The following ASCC3 variants were observed in gnomAD, a reference collection of about 807,000 sequenced individuals.
ASCC3 encodes ASC-1 complex subunit P200.
Under a neutral mutation model 256.3 loss-of-function variants are expected in ASCC3, and 158 were observed. That is an observed-to-expected ratio of 0.62 (90% CI 0.54 to 0.70). The LOEUF is 0.70. Among genes scored for constraint, ASCC3 ranks in the 30% least tolerant of loss-of-function variants. The pLI is 0.00. For synonymous variants in ASCC3, 948 were observed against 883.4 expected, an observed-to-expected ratio of 1.07 and a Z score of -1.30; for missense variants, 2,259 against 2,626.0, an observed-to-expected ratio of 0.86 and a Z score of 3.05.
chr6:100,785,116 G>A (rs1008498132), intron 8 of ASCC3, among the ~76,000 whole-genome samples: 5 of 151,972 alleles, frequency 3.3e-5, no homozygotes, highest in African/African-American at 4.8e-5. Context: ...AATGCTTTAC[G>A]ATAAAAATAT....
At chr6:100,872,469 C>CGGGGG (rs757129669) in intron 1 of ASCC3, among the ~76,000 whole-genome samples, 6 of 128,790 alleles carry the variant, frequency 4.7e-5, no homozygotes, top group Non-Finnish European at 6.5e-5. Flanking sequence ...AAAAAAGGGT[C>CGGGGG]GGGGGGGGAT....
At chr6:100,608,438 TTATATATATTTTA>T (rs1257727293) in intron 30 of ASCC3, among the ~76,000 whole-genome samples, 1 of 46,642 alleles carries the variant, frequency 2.1e-5, no homozygotes, top group Admixed American at 4.7e-4. Flanking sequence ...TATATATACT[TTATATATATTTTA>T]TATATATATA....
intron 3 of ASCC3, among the ~76,000 whole-genome samples, chr6:100,852,342 G>C (rs1046258750): frequency 1.3e-5 from 2 of 152,074 alleles, no homozygotes; most frequent in East Asian, 3.9e-4. Context: ...ACATCAGAAG[G>C]GGGAGATGGA....
At chr6:100,835,580 T>C (rs1273071340) in intron 4 of ASCC3, among the ~76,000 whole-genome samples, 1 of 152,168 alleles carries the variant, frequency 6.6e-6, no homozygotes, top group Non-Finnish European at 1.5e-5. Context: ...CAGTTGGCTA[T>C]AAGCCCATGG....
At chr6:100,805,401 G>T (rs941028765) in intron 5 of ASCC3, among the ~76,000 whole-genome samples, 6 of 151,922 alleles carry the variant, frequency 3.9e-5, no homozygotes, top group African/African-American at 1.5e-4. Flanking sequence ...AAAACTACCT[G>T]TCAAGAACTA....
At chr6:100,631,855 A>G (rs1452119992) in intron 25 of ASCC3, among the ~76,000 whole-genome samples, 1 of 151,996 alleles carries the variant, frequency 6.6e-6, no homozygotes, top group Admixed American at 6.6e-5. Context: ...ATGTCTCTAT[A>G]GATCAATAAC....
intron 13 of ASCC3, among the ~76,000 whole-genome samples, chr6:100,700,288 G>C (rs1455754303): frequency 6.6e-6 from 1 of 152,164 alleles, no homozygotes; most frequent in Admixed American, 6.5e-5. Flanking sequence ...TGTTGAGCCT[G>C]TGAGTGCACA....
intron 38 of ASCC3, among the ~76,000 whole-genome samples, chr6:100,516,728 A>G (rs571280200): frequency 6.6e-6 from 1 of 152,298 alleles, no homozygotes; most frequent in Non-Finnish European, 1.5e-5. Context: ...GTTGTTGGGA[A>G]CATAAAGTTA....
At chr6:100,624,753 A>C (rs1383290860) in intron 30 of ASCC3, among the ~76,000 whole-genome samples, 2 of 152,066 alleles carry the variant, frequency 1.3e-5, no homozygotes, top group Non-Finnish European at 2.9e-5. Context: ...ATATAACTGC[A>C]TAGACACAAA....
intron 37 of ASCC3, among the ~76,000 whole-genome samples, chr6:100,534,923 G>A (rs1237937265): frequency 1.3e-5 from 2 of 152,190 alleles, no homozygotes; most frequent in East Asian, 3.8e-4. Flanking sequence ...TAAAAGGTAT[G>A]CTTCTATAAA....
chr6:100,716,293 C>T (rs1254271199), intron 12 of ASCC3, among the ~76,000 whole-genome samples: 1 of 151,530 alleles, frequency 6.6e-6, no homozygotes, highest in East Asian at 1.9e-4. Context: ...TACTATGTAT[C>T]AATTTAAAAA....
intron 4 of ASCC3, 72 bp downstream of exon 4, chr6:100,848,076 C>T (rs1481049277): frequency 2.1e-6 from 3 of 1,403,826 alleles, no homozygotes; most frequent in African/African-American, 1.5e-5. Context: ...TGCTAACCAC[C>T]CATGTTTAAA....
intron 40 of ASCC3, 140 bp downstream of exon 40, chr6:100,512,569 C>CT: frequency 1.1e-6 from 1 of 880,364 alleles, no homozygotes; most frequent in Non-Finnish European, 1.9e-6. Context: ...TTTCAAAAGA[C>CT]TAACTCTCGC....
chr6:100,704,994 A>G (rs1778514759), intron 13 of ASCC3, among the ~76,000 whole-genome samples: 1 of 152,036 alleles, frequency 6.6e-6, no homozygotes, highest in East Asian at 1.9e-4. Flanking sequence ...ACACAGGAGG[A>G]GGGGAATTAT....
At chr6:100,762,286 C>T (rs1781457302) in intron 10 of ASCC3, among the ~76,000 whole-genome samples, 1 of 139,996 alleles carries the variant, frequency 7.1e-6, no homozygotes, top group South Asian at 2.3e-4. Context: ...GAGAACAATT[C>T]AGAACTCAGA....
chr6:100,609,757 A>G (rs544239482), intron 30 of ASCC3, among the ~76,000 whole-genome samples: 1 of 152,172 alleles, frequency 6.6e-6, no homozygotes, highest in East Asian at 1.9e-4. Flanking sequence ...CTAAAAATAC[A>G]AAAATTAGCT....
intron 32 of ASCC3, among the ~76,000 whole-genome samples, chr6:100,606,270 G>A (rs1456529598): frequency 2.6e-5 from 4 of 151,968 alleles, no homozygotes; most frequent in African/African-American, 9.7e-5. Flanking sequence ...TGAACTCACT[G>A]AAAATGCTTT....
Position 100,627,852 on chromosome 6 carries a change from T to A in ASCC3, c.4511A>T (p.Asn1504Ile). The change falls in exon 28 of 42, where the codon AAT becomes ATT. Residue 1504 changes from asparagine to isoleucine, a missense_variant. Around this residue, in one of 2 missense-constraint regions of ASCC3, gnomAD observed 1,839 missense variants for 2,206.7 expected, o/e 0.83. Transcript: ENST00000369162. ...CAATCTTCTACATACCTGCTTAATA[T>A]TGAGCCAATCAGCAAGGTCTCTGGC... Reference protein sequence around the residue: ...ANARDLADWLNIKQMGLFNFR... With the variant: ...ANARDLADWLIIKQMGLFNFR... 2 of 1,613,738 alleles carry A rather than the reference T, an allele frequency of 1.2e-6. No individual in the cohort carries two copies. Among genetic ancestry groups the A allele is most frequent in the African/African-American group, 1.3e-5 (1 of 75,038 alleles).
At chr6:100,591,104 C>T (rs1771979698) in intron 34 of ASCC3, among the ~76,000 whole-genome samples, 1 of 151,826 alleles carries the variant, frequency 6.6e-6, no homozygotes, top group Non-Finnish European at 1.5e-5. Context: ...TTGGCATGTA[C>T]CTAAATAAAG....
Sources: gnomAD v4.1 joint callset for allele counts (sites outside exome capture counted in the v4.1 genomes callset) on GRCh38, gnomAD v4.1.1 for gene constraint, gnomAD v4.1.1 regional missense constraint, MANE v1.5 for transcripts, NCBI Gene and HGNC (gene_info 2026-07-23, HGNC 2026-07-21) for gene names.